Variants in KDR observed in about 807,000 individuals in gnomAD.
The protein encoded by KDR is kinase insert domain receptor.
In KDR, 43 loss-of-function variants were observed where a neutral mutation model predicts 160.9. The observed-to-expected ratio is 0.27, with a 90% confidence interval of 0.21 to 0.34. KDR has a LOEUF of 0.34. KDR is among the 10% of genes least tolerant of loss of function. The pLI, the probability that KDR is intolerant of heterozygous loss-of-function variation, is 1.00. For synonymous variants in KDR, 617 were observed against 600.1 expected (o/e 1.03, Z -0.41); for missense variants, 1,469 against 1,666.4 (o/e 0.88, Z 2.06).
At chr4:55,088,740 A>G (rs916843098) in intron 26 of KDR, 128 bp downstream of exon 26, 2 of 722,408 alleles carry the variant, frequency 2.8e-6, no homozygotes, top group South Asian at 3.0e-5. Flanking sequence ...ACTCAGATGT[A>G]GAAGAATACA....
chr4:55,112,883 T>A (rs778471060), intron 7 of KDR, among the ~76,000 whole-genome samples: 6 of 152,130 alleles, frequency 3.9e-5, no homozygotes, highest in Non-Finnish European at 5.9e-5. Flanking sequence ...CTCCCCTGAG[T>A]TCCCCCAATC....
intron 3 of KDR, among the ~76,000 whole-genome samples, chr4:55,116,554 T>G (rs1462635537): frequency 6.6e-6 from 1 of 152,112 alleles, no homozygotes; most frequent in African/African-American, 2.4e-5. Flanking sequence ...CTCAGAGAGA[T>G]AACATTTCAC....
intron 2 of KDR, among the ~76,000 whole-genome samples, chr4:55,119,036 C>T (rs960612464): frequency 1.3e-5 from 2 of 152,120 alleles, no homozygotes; most frequent in African/African-American, 4.8e-5. Flanking sequence ...TGGTAAAACC[C>T]TGTCTCTACT....
At chr4:55,122,470 G>A (rs1433907920) in intron 1 of KDR, among the ~76,000 whole-genome samples, 2 of 152,128 alleles carry the variant, frequency 1.3e-5, no homozygotes, top group South Asian at 2.1e-4. Flanking sequence ...TGAACAAATA[G>A]GACGAAGTAT....
chr4:55,087,527 C>G lies in KDR; in HGVS notation c.3662+80G>C. 4 of 1,307,902 alleles carry G rather than the reference C, an allele frequency of 3.1e-6. No individual in the cohort carries two copies. The Admixed American group carries it at 7.0e-5, about 23-fold the overall frequency. 81.0% of individuals were successfully genotyped at this position (1,307,902 alleles called of 1,614,324 possible). A position where few individuals can be genotyped will look rare whatever the true frequency, so the allele number is the denominator to read the frequency against. ...GGGATGCAACAGCCTTAGACAAGGT[C>G]TTCCTTCCACTTCCAATCCCCCTCC... On this transcript the variant is annotated intron_variant, in intron 27 of 29. Transcript: ENST00000263923.
At chr4:55,096,397 T>C (rs1322688377) in intron 18 of KDR, 55 bp from the exon 19 acceptor site, 10 of 1,296,294 alleles carry the variant, frequency 7.7e-6, no homozygotes, top group South Asian at 3.6e-5. Context: ...CCTTCAATAA[T>C]TGGGGTCCCT....
chr4:55,095,663 G>A lies in KDR; in HGVS notation c.2731C>T (p.Pro911Ser), dbSNP rs764912489. Reference sequence around the variant, plus strand: ...CAGAATTCCACAATCACCATGAGTGGCCCTGCAGGCAGCATGTCCAGGAAG... The same window carrying A: ...CAGAATTCCACAATCACCATGAGTGACCCTGCAGGCAGCATGTCCAGGAAG... ...LLGACTKPGG[P>S]LMVIVEFCKF... is the part of the protein sequence containing the mutation. The change falls in exon 20 of 30, where the codon CCA becomes TCA. Residue 911 changes from proline (P) to serine (S), a missense_variant and splice_region_variant. This residue lies in a region of KDR where 151 missense variants were observed against 207.2 expected (regional missense o/e 0.73). Coordinates refer to ENST00000263923, the MANE Select transcript of KDR (RefSeq NM_002253.4). The A allele has an allele frequency of 6.2e-7, 1 of 1,611,914 alleles. No individual in the cohort carries two copies. Among genetic ancestry groups the A allele is most frequent in the South Asian group, 1.1e-5 (1 of 91,030 alleles).
chr4:55,116,983 C>T lies in KDR; in HGVS notation c.359-1572G>A, dbSNP rs149454397. Among the ~76,000 whole-genome samples, 81 of 152,130 alleles carry T rather than the reference C, an allele frequency of 5.3e-4. 1 individual carries two copies. Among genetic ancestry groups the T allele is most frequent in the African/African-American group, 1.9e-3 (77 of 41,518 alleles). Reference sequence around the variant, plus strand: ...AGGAAGCAGAATTTAATGGTATACCCAAAGACAGGCAGTGTACCAATAAAC... The same window carrying T: ...AGGAAGCAGAATTTAATGGTATACCTAAAGACAGGCAGTGTACCAATAAAC... On this transcript the variant is annotated intron_variant, in intron 3 of 29. Transcript: ENST00000263923.
At chr4:55,110,871 A>C (rs1578137398) in intron 7 of KDR, 103 bp from the exon 8 acceptor site, 1 of 899,828 alleles carries the variant, frequency 1.1e-6, no homozygotes, top group East Asian at 2.5e-5. Context: ...GGGTCTGAGT[A>C]GCTGCAGTTC....
intron 12 of KDR, among the ~76,000 whole-genome samples, chr4:55,105,568 G>T (rs757223608): frequency 6.6e-6 from 1 of 152,192 alleles, no homozygotes; most frequent in Non-Finnish European, 1.5e-5. Flanking sequence ...TGAAGACTGA[G>T]ATGTAAATAC....
chr4:55,125,098 T>C (rs955970761), intron 1 of KDR, 129 bp downstream of exon 1: 103 of 895,108 alleles, frequency 1.2e-4, no homozygotes, highest in Non-Finnish European at 1.8e-4. Flanking sequence ...CACTGGTAAA[T>C]GAAAGATCGC....
chr4:55,112,502 G>A (rs1011731180), intron 7 of KDR, among the ~76,000 whole-genome samples: 4 of 151,006 alleles, frequency 2.6e-5, no homozygotes, highest in African/African-American at 4.9e-5. Flanking sequence ...ATGTTTTGTG[G>A]AAGTCAAAAG....
In KDR at chr4:55,098,257, G is replaced by C. The variant is rs1378386737; in HGVS notation, c.2389C>G (p.Leu797Val). ...ACGATGGACAAGTAGCCTGTCTTCA[G>C]TTCCCCTCCATTGGCCTGGAAAGCA... ...RTVKRANGGE[L>V]KTGYLSIVMD... Residue 797 changes from leucine to valine, a missense_variant, in exon 17 of 30, where the codon CTG becomes GTG. By Grantham distance (32) the Leu-to-Val change is conservative (BLOSUM62 1). This residue lies in a region of KDR where 118 missense variants were observed against 110.8 expected (regional missense o/e 1.06). Transcript: ENST00000263923. 1.9e-6 allele frequency: 3 copies of C among 1,613,714 alleles called. No homozygotes were observed. The African/African-American group carries it at 4.0e-5, about 22-fold the overall frequency.
chr4:55,085,566 G>A (rs994199848), intron 27 of KDR, among the ~76,000 whole-genome samples: 1 of 152,184 alleles, frequency 6.6e-6, no homozygotes, highest in African/African-American at 2.4e-5. Context: ...AGCATGCCGT[G>A]TGCAAATGCC....
rs2110010234 is a variant in KDR at position 55,088,928 on chromosome 4, T to C, written c.3450A>G (p.Arg1150=). 1 of 1,614,126 alleles carries C rather than the reference T, an allele frequency of 6.2e-7. No homozygotes were observed. Among genetic ancestry groups the C allele is most frequent in the Non-Finnish European group, 8.5e-7 (1 of 1,179,996 alleles). ...LDCWHGEPSQ[R]PTFSELVEHL... ...GTTCCACCAACTCTGAAAACGTGGG[T>C]CTCTGACTGGGCTCCCCGTGCCAGC... is the stretch of plus-strand genomic sequence containing the variant. The change falls in exon 26 of 30, where the codon AGA becomes AGG. Residue 1150 remains arginine (R), a synonymous_variant. Transcript: ENST00000263923.
chr4:55,124,009 C>G (rs1384987051), intron 1 of KDR, among the ~76,000 whole-genome samples: 1 of 152,216 alleles, frequency 6.6e-6, no homozygotes, highest in African/African-American at 2.4e-5. Flanking sequence ...TCCAGACCTT[C>G]ATTCTCTGCC....
At chr4:55,108,816 C>G (rs564043168) in intron 9 of KDR, among the ~76,000 whole-genome samples, 1 of 151,752 alleles carries the variant, frequency 6.6e-6, no homozygotes, top group Admixed American at 6.6e-5. Flanking sequence ...AAAGTCAAAA[C>G]TATTTCCTTA....
chr4:55,086,227 C>A (rs1186851999), intron 27 of KDR, among the ~76,000 whole-genome samples: 2 of 152,206 alleles, frequency 1.3e-5, no homozygotes, highest in Non-Finnish European at 2.9e-5. Context: ...TTTTAAGCAG[C>A]TCACTTAATA....
chr4:55,121,592 A>C (rs925782848), intron 1 of KDR, among the ~76,000 whole-genome samples: 1 of 152,242 alleles, frequency 6.6e-6, no homozygotes, highest in African/African-American at 2.4e-5. Flanking sequence ...ATTGCTGATT[A>C]ACGAATCCCA....
Sources: allele counts gnomAD v4.1 joint callset (sites outside exome capture counted in the v4.1 genomes callset), GRCh38; gene constraint gnomAD v4.1.1; regional missense constraint gnomAD v4.1.1; transcripts MANE v1.5; gene names NCBI Gene and HGNC (gene_info 2026-07-23, HGNC 2026-07-21).